The following PLXDC2 variants were observed in gnomAD, a reference collection of about 807,000 sequenced individuals.
PLXDC2 encodes the protein plexin domain containing 2, also known as plexin domain-containing protein 2.
PLXDC2 carries 40 observed loss-of-function variants against 68.9 expected under a neutral mutation model. The ratio of observed to expected loss-of-function variants is 0.58; its 90% CI spans 0.45 to 0.76. The LOEUF is 0.76. PLXDC2 is among the 30% of genes least tolerant of loss of function. The probability of loss-of-function intolerance (pLI) is 0.00; values close to 1 mark genes in which losing one functional copy is unlikely to be tolerated. For missense variants in PLXDC2, 644 were observed against 661.9 expected, an observed-to-expected ratio of 0.97 and a Z score of 0.30; for synonymous variants, 243 against 234.2, an observed-to-expected ratio of 1.04 and a Z score of -0.34.
At chr10:19,915,532 T>C (rs1364994023) in intron 1 of PLXDC2, among the ~76,000 whole-genome samples, 1 of 152,312 alleles carries the variant, frequency 6.6e-6, no homozygotes, top group Admixed American at 6.5e-5. Flanking sequence ...ATGAGTAGTG[T>C]ATTTTACCCA....
chr10:20,079,932 C>T (rs1008175827), intron 4 of PLXDC2, among the ~76,000 whole-genome samples: 1 of 151,632 alleles, frequency 6.6e-6, no homozygotes, highest in African/African-American at 2.4e-5. Flanking sequence ...CACATGTATT[C>T]CAGAACTTAA....
intron 1 of PLXDC2, among the ~76,000 whole-genome samples, chr10:19,886,832 A>G (rs1404271237): frequency 6.6e-6 from 1 of 152,240 alleles, no homozygotes; most frequent in African/African-American, 2.4e-5. Flanking sequence ...GAAAAAACTT[A>G]GAAGAGTCAC....
At chr10:19,897,628 A>C (rs1198241195) in intron 1 of PLXDC2, among the ~76,000 whole-genome samples, 2 of 152,160 alleles carry the variant, frequency 1.3e-5, no homozygotes, top group Non-Finnish European at 2.9e-5. Context: ...GTTGTGTTTA[A>C]ATTTTTAAGC....
intron 1 of PLXDC2, among the ~76,000 whole-genome samples, chr10:19,822,716 T>C (rs535110424): frequency 4.5e-4 from 69 of 152,206 alleles, no homozygotes; most frequent in Non-Finnish European, 8.1e-4. Flanking sequence ...TGATTTGTAT[T>C]TCCCTAATGA....
intron 4 of PLXDC2, among the ~76,000 whole-genome samples, chr10:20,081,120 A>G (rs1327079085): frequency 2.0e-5 from 3 of 152,302 alleles, no homozygotes; most frequent in Middle Eastern, 3.4e-3. Flanking sequence ...CTTCTCCAGA[A>G]CAAAGACCTT....
intron 5 of PLXDC2, 49 bp from the exon 6 acceptor site, chr10:20,147,735 T>G (rs777368272): frequency 1.7e-6 from 2 of 1,155,850 alleles, no homozygotes; most frequent in Non-Finnish European, 2.5e-6. Context: ...CCAGAATTGA[T>G]TGGTATGTTT....
intron 1 of PLXDC2, among the ~76,000 whole-genome samples, chr10:19,827,850 C>T (rs927573810): frequency 1.3e-5 from 2 of 152,140 alleles, no homozygotes; most frequent in Non-Finnish European, 2.9e-5. Flanking sequence ...TGAGCCACCG[C>T]GCCCAGCCAT....
intron 1 of PLXDC2, among the ~76,000 whole-genome samples, chr10:19,826,653 G>T (rs1028614158): frequency 2.0e-5 from 3 of 152,076 alleles, no homozygotes; most frequent in Non-Finnish European, 4.4e-5. Flanking sequence ...TGTTAAACTA[G>T]CATAGGATAT....
At chr10:19,876,314 C>G (rs964845052) in intron 1 of PLXDC2, among the ~76,000 whole-genome samples, 2 of 152,108 alleles carry the variant, frequency 1.3e-5, no homozygotes, top group Non-Finnish European at 2.9e-5. Context: ...GAAACTGGAT[C>G]TTTTTCTCAG....
intron 2 of PLXDC2, among the ~76,000 whole-genome samples, chr10:20,038,895 C>G (rs1160377650): frequency 1.3e-5 from 2 of 152,064 alleles, no homozygotes; most frequent in Admixed American, 1.3e-4. Flanking sequence ...GGTCTGTTTC[C>G]AACCCAGCCA....
chr10:19,860,213 A>T (rs1016955420), intron 1 of PLXDC2, among the ~76,000 whole-genome samples: 1 of 152,176 alleles, frequency 6.6e-6, no homozygotes, highest in Non-Finnish European at 1.5e-5. Flanking sequence ...TGCAGGGTGC[A>T]GTTTGCAATC....
rs1834032551 is a variant in PLXDC2 at position 20,143,432 on chromosome 10, G to A, written c.664+15G>A. 2.5e-6 allele frequency: 4 copies of A among 1,610,590 alleles called. No homozygotes were observed. The highest frequency in any genetic ancestry group is 2.7e-5 in the African/African-American group (2 of 74,758). On this transcript the variant is annotated intron_variant, in intron 5 of 13. Coordinates refer to ENST00000377252, the MANE Select transcript of PLXDC2 (RefSeq NM_032812.9). ...TTTTGATAATGGTATGTGTTGAGTA[G>A]CCTATTTTTTGCTGCATGTATATTT...
chr10:20,161,451 C>CTTT (rs367647028), intron 6 of PLXDC2, among the ~76,000 whole-genome samples: 84 of 150,838 alleles, frequency 5.6e-4, no homozygotes, highest in Middle Eastern at 3.5e-3. Context: ...GTCTCTCTCT[C>CTTT]TCTTTTTTTT....
In PLXDC2 at chr10:19,996,739, A is replaced by G. The variant is rs117999544; in HGVS notation, c.113-5036A>G. On this transcript the variant is annotated intron_variant, in intron 1 of 13. Coordinates refer to ENST00000377252, the MANE Select transcript of PLXDC2 (RefSeq NM_032812.9). ...TATACAGGAAAAGGGGGTTTAATGG[A>G]CTTACAGTTCCATGTGGCTGGGGAG... is the stretch of plus-strand genomic sequence containing the variant. Among the ~76,000 whole-genome samples, 147 of 152,240 alleles carry G rather than the reference A, an allele frequency of 9.7e-4. 2 individuals are homozygous for G. In the East Asian group the frequency reaches 0.028, roughly 29 times the overall value.
chr10:20,269,237 A>G (rs569435301), intron 13 of PLXDC2, among the ~76,000 whole-genome samples: 1 of 152,350 alleles, frequency 6.6e-6, no homozygotes, highest in South Asian at 2.1e-4. Flanking sequence ...TTGGACAATA[A>G]ATCATATGCT....
intron 4 of PLXDC2, among the ~76,000 whole-genome samples, chr10:20,131,100 C>T (rs1310829683): frequency 5.9e-5 from 9 of 151,500 alleles, no homozygotes; most frequent in Non-Finnish European, 8.8e-5. Context: ...CCAGTAAAGC[C>T]ATGAGGTCCT....
At chr10:19,886,475 A>C (rs1248960776) in intron 1 of PLXDC2, among the ~76,000 whole-genome samples, 5 of 152,204 alleles carry the variant, frequency 3.3e-5, no homozygotes, top group Admixed American at 1.3e-4. Flanking sequence ...TTCAATATAC[A>C]CAAGTCAATA....
rs1429229709 is a variant in PLXDC2 at position 20,281,934 on chromosome 10, C to T, written c.*2115C>T. The T allele has an allele frequency of 3.3e-5, 5 of 152,054 alleles. No individual in the cohort carries two copies. The highest frequency in any genetic ancestry group is 7.4e-5 in the Non-Finnish European group (5 of 67,994). The allele number at this position is 152,054 out of a possible 1,614,324, so 9.4% of individuals were successfully genotyped here. On this transcript the variant is annotated 3_prime_UTR_variant, in exon 14 of 14. Coordinates refer to ENST00000377252, the MANE Select transcript of PLXDC2 (RefSeq NM_032812.9). Reference sequence around the variant, plus strand: ...GCAACTGTTTGACAGTTATATAAATCTTGCATGTGTATTCTTAGTTTGTGT... The same window carrying T: ...GCAACTGTTTGACAGTTATATAAATTTTGCATGTGTATTCTTAGTTTGTGT...
intron 1 of PLXDC2, among the ~76,000 whole-genome samples, chr10:19,977,459 G>C (rs754349797): frequency 3.9e-5 from 6 of 152,174 alleles, no homozygotes; most frequent in Non-Finnish European, 8.8e-5. Flanking sequence ...ACTGGGGGAG[G>C]GGGCAGAGGG....
Sources: allele counts gnomAD v4.1 joint callset (sites outside exome capture counted in the v4.1 genomes callset), GRCh38; gene constraint gnomAD v4.1.1; transcripts MANE v1.5; gene names NCBI Gene and HGNC (gene_info 2026-07-23, HGNC 2026-07-21).